The following COMP variants were observed in gnomAD, a reference collection of about 807,000 sequenced individuals.
COMP encodes the protein cartilage oligomeric matrix protein (pseudoachondroplasia, epiphyseal dysplasia 1, multiple).
COMP carries 79 observed loss-of-function variants against 95.8 expected under a neutral mutation model. That is an observed-to-expected ratio of 0.82 (90% confidence interval 0.69 to 0.99). COMP has a LOEUF of 0.99. COMP is among the 50% of genes least tolerant of loss of function. The pLI is 0.00. For synonymous variants in COMP, 438 were observed against 433.9 expected (o/e 1.01, Z -0.12); for missense variants, 906 against 1,076.1 (o/e 0.84, Z 2.21).
chr19:18,790,497 CTG>C lies in COMP; in HGVS notation c.217+63_217+64del, dbSNP rs890706238. ...TTCCTCCCCAGCTTTCCCTGGCTCT[CTG>C]TCTCTGTCTCTGTGTCTCTGTCTCC... On this transcript the variant is annotated intron_variant, in intron 3 of 18. Transcript: ENST00000222271. 1.9e-6 allele frequency: 3 copies of C among 1,596,490 alleles called. No individual in the cohort carries two copies. The African/African-American group carries it at 4.0e-5, about 21-fold the overall frequency.
chr19:18,785,117 C>T (rs2055155460), intron 15 of COMP, 25 bp from the exon 16 acceptor site: 13 of 1,610,470 alleles, frequency 8.1e-6, no homozygotes, highest in Non-Finnish European at 1.1e-5. Context: ...AGAGCAGTGG[C>T]CTTTCCGAAC....
chr19:18,784,279 GCAGCC>G lies in COMP; in HGVS notation c.1994_1998del (p.Arg665ProfsTer35). The G allele has an allele frequency of 6.2e-7, 1 of 1,614,098 alleles. No individual in the cohort carries two copies. Among genetic ancestry groups the G allele is most frequent in the Non-Finnish European group, 8.5e-7 (1 of 1,180,046 alleles). ...CCCACGTTTCGCGGGTCCTTCCACA[GCAGCC>G]GCACCTGGGACTCTGTGTCTCCTGT... On this transcript the variant is annotated frameshift_variant, in exon 17 of 19. Coordinates refer to ENST00000222271, the MANE Select transcript of COMP (RefSeq NM_000095.3). LOFTEE classifies it high-confidence loss of function. This position sits in a 1 kb window ranked among gnomAD's most constrained non-coding sequence, Gnocchi z 4.9.
In COMP at chr19:18,786,277, G is replaced by A; in HGVS notation, c.1269C>T (p.His423=). 1 of 1,613,970 alleles carries A rather than the reference G, an allele frequency of 6.2e-7. No individual in the cohort carries two copies. Among genetic ancestry groups the A allele is most frequent in the African/African-American group, 1.3e-5 (1 of 75,058 alleles). Residue 423 remains histidine (H), a synonymous_variant, in exon 12 of 19, where the codon CAC becomes CAT. Transcript: ENST00000222271. ...TGTCACAAGCATCTCCCACAAAGTC[G>A]TGGTCCACATCCGCCTGCGGAGGGC... is the stretch of plus-strand genomic sequence containing the variant. ...KSNPDQADVD[H]DFVGDACDSD...
chr19:18,786,863 C>G (rs1387337980), intron 10 of COMP: 1 of 479,440 alleles, frequency 2.1e-6, no homozygotes, highest in Non-Finnish European at 3.7e-6. Flanking sequence ...ACTTCCACCT[C>G]CCGGGTTCAA....
At chr19:18,787,775 G>T in intron 9 of COMP, 125 bp from the exon 10 acceptor site, 1 of 1,289,996 alleles carries the variant, frequency 7.8e-7, no homozygotes, top group Non-Finnish European at 1.1e-6. Flanking sequence ...CTAGACCACG[G>T]AGGCCACGCC....
At chr19:18,786,693 G>T (rs1462879583) in intron 10 of COMP, 43 bp from the exon 11 acceptor site, 1 of 1,507,662 alleles carries the variant, frequency 6.6e-7, no homozygotes, top group South Asian at 1.1e-5. Flanking sequence ...TTGGGACCAG[G>T]CCAGAATGAC....
At position 18,788,758 on chromosome 19, in the gene COMP, G is replaced by C. The variant is rs772560579; in HGVS notation, c.604-8C>G. ...GCCGCACTGGAAGGAGCCCTGCGCC[G>C]GAGCCGCCGGAGGTCAGCGCAGGCC... On this transcript the variant is annotated splice_polypyrimidine_tract_variant and splice_region_variant and intron_variant, in intron 6 of 18. Transcript: ENST00000222271. This position sits in a 1 kb window ranked among gnomAD's most constrained non-coding sequence, Gnocchi z 4.7. 88 of 1,584,674 alleles carry C rather than the reference G, an allele frequency of 5.6e-5. No homozygotes were observed. The South Asian group carries it at 9.4e-4, about 17-fold the overall frequency.
intron 15 of COMP, 31 bp from the exon 16 acceptor site, chr19:18,785,123 C>T (rs979727268): frequency 3.1e-6 from 5 of 1,608,706 alleles, no homozygotes; most frequent in African/African-American, 2.7e-5. Flanking sequence ...GTGGCCTTTC[C>T]GAACGCCAGC....
Position 18,784,741 on chromosome 19 carries a change from G to A in COMP, c.1914+155C>T, listed in dbSNP as rs2055152667. On this transcript the variant is annotated intron_variant, in intron 16 of 18. Transcript: ENST00000222271. This position sits in a 1 kb window ranked among gnomAD's most constrained non-coding sequence, Gnocchi z 4.9. ...TTTGTGCAAGGAACTGGGAGGATTTGGGGACTGCGGGAGCCCAGAGGAGGG... is the reference window on the plus strand; with the variant it reads ...TTTGTGCAAGGAACTGGGAGGATTTAGGGACTGCGGGAGCCCAGAGGAGGG... 6.6e-6 allele frequency among the ~76,000 whole-genome samples: 1 copy of A among 152,056 alleles called. No homozygotes were observed. Among genetic ancestry groups the A allele is most frequent in the Non-Finnish European group, 1.5e-5 (1 of 67,994 alleles).
At chr19:18,790,507 C>A in intron 3 of COMP, 55 bp downstream of exon 3, 1 of 1,604,696 alleles carries the variant, frequency 6.2e-7, no homozygotes, top group Non-Finnish European at 8.5e-7. Flanking sequence ...CTGTCTCTGT[C>A]TCTGTGTCTC....
Position 18,783,179 on chromosome 19 carries a change from T to TAA in COMP, c.2101_2102insTT (p.Glu701ValfsTer?), listed in dbSNP as rs1261585288. 1 of 1,608,430 alleles carries TAA rather than the reference T, an allele frequency of 6.2e-7. No individual in the cohort carries two copies. The highest frequency in any genetic ancestry group is 1.3e-5 in the African/African-American group (1 of 75,048). ...GCTGTCGGCCACCAGCTCAGGGCCCTCATAGAATCGCACCCTGAGGGTCAG... is the reference window on the plus strand; with the variant it reads ...GCTGTCGGCCACCAGCTCAGGGCCCTAACATAGAATCGCACCCTGAGGGTCAG... On this transcript the variant is annotated frameshift_variant, in exon 18 of 19. Coordinates refer to ENST00000222271, the MANE Select transcript of COMP (RefSeq NM_000095.3). LOFTEE classifies it high-confidence loss of function.
At chr19:18,785,467 T>TG (rs764701144) in intron 15 of COMP, 31 bp downstream of exon 15, 104 of 1,611,996 alleles carry the variant, frequency 6.5e-5, no homozygotes, top group Non-Finnish European at 8.6e-5. Context: ...GCCCGCTCCG[T>TG]GGCAGGATAG....
intron 3 of COMP, 150 bp from the exon 4 acceptor site, chr19:18,790,264 C>T (rs2055203567): frequency 1.5e-6 from 1 of 659,834 alleles, no homozygotes; most frequent in African/African-American, 1.9e-5. Flanking sequence ...TGTCCGCGAT[C>T]CCGCCCCAGA....
At position 18,788,379 on chromosome 19, in the gene COMP, C is replaced by T. The variant is rs371184952; in HGVS notation, c.867+31G>A. On this transcript the variant is annotated intron_variant, in intron 8 of 18. Coordinates refer to ENST00000222271, the MANE Select transcript of COMP (RefSeq NM_000095.3). This position sits in a 1 kb window ranked among gnomAD's most constrained non-coding sequence, Gnocchi z 4.7. ...TCATGAAGTCCCGCCCTCCCTCCTG[C>T]CCAAGCCCGCCCCGCTCCGCCCCCA... 2 of 1,590,578 alleles carry T rather than the reference C, an allele frequency of 1.3e-6. No individual in the cohort carries two copies. The highest frequency in any genetic ancestry group is 8.6e-7 in the Non-Finnish European group (1 of 1,165,168).
At chr19:18,790,222 C>A in intron 3 of COMP, 108 bp from the exon 4 acceptor site, 1 of 860,504 alleles carries the variant, frequency 1.2e-6, no homozygotes, top group South Asian at 1.8e-5. Flanking sequence ...TCCCCCCCAC[C>A]CCCCGCCCCG....
chr19:18,788,956 C>A lies in COMP; in HGVS notation c.529-43G>T, dbSNP rs1601058352. 6.2e-7 allele frequency: 1 copy of A among 1,600,558 alleles called. No individual in the cohort carries two copies. The highest frequency in any genetic ancestry group is 2.2e-5 in the East Asian group (1 of 44,744). On this transcript the variant is annotated intron_variant, in intron 5 of 18. Transcript: ENST00000222271. The surrounding 1 kb of genome is among the most constrained non-coding windows in gnomAD (Gnocchi z 4.7). ...AGAGGTCACCACCCCACGCAGACAC[C>A]TCCGGACCTCCCACCTCCTCCACAC...
At chr19:18,786,736 T>C in intron 10 of COMP, 86 bp from the exon 11 acceptor site, 4 of 683,636 alleles carry the variant, frequency 5.9e-6, no homozygotes, top group Non-Finnish European at 1.0e-5. Flanking sequence ...GAGGCTGGCC[T>C]GGAACAGAGT....
intron 2 of COMP, 89 bp from the exon 3 acceptor site, chr19:18,790,702 G>T: frequency 1.2e-6 from 2 of 1,611,450 alleles, no homozygotes; most frequent in Non-Finnish European, 1.7e-6. Flanking sequence ...CCTTTCTACA[G>T]CCTCTTTTCG....
Position 18,789,789 on chromosome 19 carries a change from C to G in COMP, c.390+153G>C, listed in dbSNP as rs1021089712. ...ATGGTCCTTGGGTTGGGCGTCCCCC[C>G]GCGGTAAGGAGGTAGTCTGGCCGTG... On this transcript the variant is annotated intron_variant, in intron 4 of 18. Transcript: ENST00000222271. This position sits in a 1 kb window ranked among gnomAD's most constrained non-coding sequence, Gnocchi z 6.1. 6.6e-6 allele frequency among the ~76,000 whole-genome samples: 1 copy of G among 151,832 alleles called. No homozygotes were observed. The highest frequency in any genetic ancestry group is 1.5e-5 in the Non-Finnish European group (1 of 67,916).
Sources: gnomAD v4.1 joint callset for allele counts (sites outside exome capture counted in the v4.1 genomes callset) on GRCh38, gnomAD v4.1.1 for gene constraint, Gnocchi (gnomAD v3.1) non-coding constraint, MANE v1.5 for transcripts, NCBI Gene and HGNC (gene_info 2026-07-23, HGNC 2026-07-21) for gene names.